Variants in ADGRV1 observed in about 807,000 individuals in gnomAD.
ADGRV1 encodes G-protein coupled receptor 98.
ADGRV1 carries 359 observed loss-of-function variants against 596.2 expected under a neutral mutation model. That is an observed-to-expected ratio of 0.60 (90% confidence interval 0.55 to 0.66). The LOEUF (loss-of-function observed/expected upper bound fraction) is 0.66, where lower values mean the gene tolerates loss of function less well. Among genes scored for constraint, ADGRV1 ranks in the 30% least tolerant of loss-of-function variants. The probability of loss-of-function intolerance (pLI) is 0.00; values close to 1 mark genes in which losing one functional copy is unlikely to be tolerated. For missense variants in ADGRV1, 7,274 were observed against 7,575.6 expected (o/e 0.96, Z 1.48); for synonymous variants, 2,681 against 2,679.2 (o/e 1.00, Z -0.02).
At chr5:90,632,340 T>G (rs1236550456) in intron 9 of ADGRV1, among the ~76,000 whole-genome samples, 1 of 152,176 alleles carries the variant, frequency 6.6e-6, no homozygotes, top group Non-Finnish European at 1.5e-5. Flanking sequence ...GTTTGAGAAT[T>G]GATGATGCAG....
intron 41 of ADGRV1, among the ~76,000 whole-genome samples, 189 bp from the exon 42 acceptor site, chr5:90,712,098 T>G (rs2149721321): frequency 6.6e-6 from 1 of 152,252 alleles, no homozygotes; most frequent in Middle Eastern, 3.4e-3. Context: ...CCCTCTTAAT[T>G]TTTACTTTTT....
intron 58 of ADGRV1, among the ~76,000 whole-genome samples, chr5:90,762,394 G>T (rs565348760): frequency 2.2e-4 from 34 of 152,202 alleles, no homozygotes; most frequent in African/African-American, 8.2e-4. Flanking sequence ...GCTCATTTCA[G>T]TTTGTTTTAA....
intron 76 of ADGRV1, chr5:90,825,882 T>A (rs1581244448): frequency 6.6e-6 from 1 of 152,334 alleles, no homozygotes; most frequent in East Asian, 1.9e-4. Context: ...TCACACCTCT[T>A]CTTTCTCTTT....
At chr5:90,592,663 C>T (rs1330777382) in intron 1 of ADGRV1, among the ~76,000 whole-genome samples, 1 of 152,100 alleles carries the variant, frequency 6.6e-6, no homozygotes, top group Non-Finnish European at 1.5e-5. Flanking sequence ...AACAGGCAAC[C>T]TATGGAATGG....
At chr5:91,047,544 T>C (rs1381865538) in intron 85 of ADGRV1, among the ~76,000 whole-genome samples, 2 of 152,308 alleles carry the variant, frequency 1.3e-5, no homozygotes, top group African/African-American at 4.8e-5. Flanking sequence ...TTCTGCCTGC[T>C]TTTATTCTGG....
chr5:90,883,182 T>C (rs1769955434), intron 83 of ADGRV1, among the ~76,000 whole-genome samples: 1 of 152,198 alleles, frequency 6.6e-6, no homozygotes, highest in Non-Finnish European at 1.5e-5. Flanking sequence ...CTACTGTGTT[T>C]TCAGATGAAC....
intron 83 of ADGRV1, among the ~76,000 whole-genome samples, chr5:90,905,997 T>A (rs898569039): frequency 6.6e-6 from 1 of 152,144 alleles, no homozygotes. Flanking sequence ...TCATTTGGTT[T>A]TAGTCCTCCA....
chr5:90,813,959 A>G (rs145148075), intron 74 of ADGRV1, among the ~76,000 whole-genome samples: 13 of 152,316 alleles, frequency 8.5e-5, no homozygotes, highest in African/African-American at 2.4e-4. Flanking sequence ...ATTATTGTAA[A>G]TGTGACAAGG....
chr5:90,575,220 TA>T (rs1757046169), intron 1 of ADGRV1, among the ~76,000 whole-genome samples: 1 of 152,060 alleles, frequency 6.6e-6, no homozygotes, highest in Non-Finnish European at 1.5e-5. Context: ...TTTTTACTTT[TA>T]AAAAAGACAT....
chr5:90,834,055 A>G lies in ADGRV1; in HGVS notation c.16611+4869A>G, dbSNP rs567533351. On this transcript the variant is annotated intron_variant, in intron 77 of 89. Coordinates refer to ENST00000405460, the MANE Select transcript of ADGRV1 (RefSeq NM_032119.4). ...ACCTAAACTTTGTACCCCACTTTTT[A>G]ACTTTTTGTTGTTTCTATTTATATC... 1.2e-4 allele frequency among the ~76,000 whole-genome samples: 18 copies of G among 152,274 alleles called. No individual in the cohort carries two copies. The East Asian group carries it at 3.3e-3, about 28-fold the overall frequency.
chr5:90,981,291 A>G (rs374739841), intron 84 of ADGRV1, among the ~76,000 whole-genome samples: 3 of 152,194 alleles, frequency 2.0e-5, no homozygotes, highest in Non-Finnish European at 2.9e-5. Context: ...TGAGTTTCTG[A>G]TTAGCTTCTC....
chr5:91,147,684 G>T (rs140782629), intron 87 of ADGRV1, among the ~76,000 whole-genome samples: 2 of 152,050 alleles, frequency 1.3e-5, no homozygotes, highest in East Asian at 1.9e-4. Context: ...ACCCAGTCTC[G>T]GGTATTTCTT....
intron 1 of ADGRV1, among the ~76,000 whole-genome samples, chr5:90,569,388 T>TATATATATATATA (rs1554048594): frequency 3.2e-4 from 6 of 18,806 alleles, no homozygotes; most frequent in African/African-American, 9.4e-4. Flanking sequence ...TATATATATA[T>TATATATATATATA]TTTTTTTTTT....
chr5:90,820,587 A>G (rs1224705644), intron 75 of ADGRV1, among the ~76,000 whole-genome samples: 1 of 151,594 alleles, frequency 6.6e-6, no homozygotes, highest in Non-Finnish European at 1.5e-5. Flanking sequence ...TGCTTGCTTC[A>G]GGAGCTCTTT....
intron 84 of ADGRV1, among the ~76,000 whole-genome samples, chr5:90,970,172 G>A (rs1360645970): frequency 6.6e-6 from 1 of 152,222 alleles, no homozygotes; most frequent in Non-Finnish European, 1.5e-5. Flanking sequence ...CAGCGAGGCT[G>A]GGGGAGGGGT....
intron 59 of ADGRV1, among the ~76,000 whole-genome samples, chr5:90,772,732 C>T (rs764726055): frequency 2.6e-5 from 4 of 152,086 alleles, no homozygotes; most frequent in Non-Finnish European, 4.4e-5. Flanking sequence ...AAATCAGTAG[C>T]ACCTTGGAGA....
chr5:91,022,002 G>A (rs1043809911), intron 85 of ADGRV1, among the ~76,000 whole-genome samples: 3 of 151,958 alleles, frequency 2.0e-5, no homozygotes. Context: ...CAAGAAAAGC[G>A]GCAATCGAGA....
intron 9 of ADGRV1, among the ~76,000 whole-genome samples, chr5:90,633,108 G>A (rs1765708157): frequency 2.0e-5 from 3 of 152,152 alleles, no homozygotes. Context: ...GGTTACTAAT[G>A]TGCTGTCCCA....
chr5:91,072,619 A>G lies in ADGRV1; in HGVS notation c.18310+15A>G, dbSNP rs374162286. Reference sequence around the variant, plus strand: ...AAATGCTGCAGGTTTGAAAGGAACTATATTTGTACTTTGGAGATGGAAACG... The same window carrying G: ...AAATGCTGCAGGTTTGAAAGGAACTGTATTTGTACTTTGGAGATGGAAACG... On this transcript the variant is annotated intron_variant, in intron 86 of 89. Coordinates refer to ENST00000405460, the MANE Select transcript of ADGRV1 (RefSeq NM_032119.4). The G allele has an allele frequency of 3.1e-6, 5 of 1,603,064 alleles. No individual in the cohort carries two copies. Among genetic ancestry groups the G allele is most frequent in the East Asian group, 2.2e-5 (1 of 44,742 alleles).
Sources: gnomAD v4.1 joint callset for allele counts (sites outside exome capture counted in the v4.1 genomes callset) on GRCh38, gnomAD v4.1.1 for gene constraint, MANE v1.5 for transcripts, NCBI Gene and HGNC (gene_info 2026-07-23, HGNC 2026-07-21) for gene names.